Variants in AKAP13 observed in about 807,000 individuals in gnomAD.
The protein encoded by AKAP13 is A-kinase anchor protein 13.
In AKAP13, 80 loss-of-function variants were observed where a neutral mutation model predicts 264.5. The ratio of observed to expected loss-of-function variants is 0.30; its 90% CI spans 0.25 to 0.36. AKAP13 has a LOEUF of 0.36. Among genes scored for constraint, AKAP13 ranks in the 10% least tolerant of loss-of-function variants. The probability of loss-of-function intolerance (pLI) is 1.00; values close to 1 mark genes in which losing one functional copy is unlikely to be tolerated. For synonymous variants in AKAP13, 1,380 were observed against 1,250.2 expected, an observed-to-expected ratio of 1.10 and a Z score of -2.19; for missense variants, 3,712 against 3,435.2, an observed-to-expected ratio of 1.08 and a Z score of -2.01.
At chr15:85,471,962 C>G (rs1004472766) in intron 1 of AKAP13, among the ~76,000 whole-genome samples, 1 of 152,002 alleles carries the variant, frequency 6.6e-6, no homozygotes, top group Non-Finnish European at 1.5e-5. Context: ...TGATATTAAG[C>G]TAATATATTT....
intron 8 of AKAP13, among the ~76,000 whole-genome samples, chr15:85,616,651 C>A (rs962681274): frequency 6.6e-5 from 10 of 152,200 alleles, no homozygotes; most frequent in Admixed American, 2.0e-4. Flanking sequence ...AAACTCAGAA[C>A]CTCCTTTAAA....
chr15:85,740,908 G>A (rs2088926449), intron 34 of AKAP13, 138 bp from the exon 35 acceptor site: 1 of 1,393,078 alleles, frequency 7.2e-7, no homozygotes, highest in Admixed American at 2.9e-5. Context: ...GCATTTTTAT[G>A]AGACGGGCTT....
In AKAP13 at chr15:85,745,147, C is replaced by A; in HGVS notation, c.*470C>A. 6.4e-6 allele frequency: 1 copy of A among 155,186 alleles called. No homozygotes were observed. Among genetic ancestry groups the A allele is most frequent in the Admixed American group, 6.2e-5 (1 of 16,084 alleles). 9.6% of individuals were successfully genotyped at this position (155,186 alleles called of 1,614,324 possible). ...ACACACGGGGAATGCCAGAAGAAGG[C>A]CCAGTCTGCACCAGGCGTCTGGTCA... On this transcript the variant is annotated 3_prime_UTR_variant, in exon 37 of 37. Coordinates refer to ENST00000394518, the MANE Select transcript of AKAP13 (RefSeq NM_007200.5).
chr15:85,521,827 A>G (rs926268235), intron 3 of AKAP13, among the ~76,000 whole-genome samples: 4 of 152,240 alleles, frequency 2.6e-5, no homozygotes, highest in African/African-American at 9.6e-5. Context: ...TAACTTATTT[A>G]AGAACTGGGA....
intron 8 of AKAP13, among the ~76,000 whole-genome samples, chr15:85,617,977 T>C (rs1596739279): frequency 6.6e-6 from 1 of 152,226 alleles, no homozygotes; most frequent in Admixed American, 6.5e-5. Context: ...AACATCTGTT[T>C]CACTGCACAT....
At chr15:85,567,394 C>T (rs527532988) in intron 5 of AKAP13, among the ~76,000 whole-genome samples, 2 of 152,336 alleles carry the variant, frequency 1.3e-5, no homozygotes, top group South Asian at 4.1e-4. Context: ...GCGTGAGCCA[C>T]CACGCCCAGC....
intron 5 of AKAP13, among the ~76,000 whole-genome samples, chr15:85,549,698 T>G (rs192713507): frequency 9.2e-5 from 14 of 152,266 alleles, no homozygotes; most frequent in Admixed American, 9.2e-4. Context: ...CTACAAAAAT[T>G]TGGCAGAGAG....
intron 8 of AKAP13, among the ~76,000 whole-genome samples, chr15:85,610,052 C>T (rs2080533952): frequency 6.6e-6 from 1 of 152,168 alleles, no homozygotes; most frequent in African/African-American, 2.4e-5. Context: ...TAACACCTTA[C>T]AGGGCAACTC....
chr15:85,407,221 G>A (rs2071711292), intron 1 of AKAP13, among the ~76,000 whole-genome samples: 1 of 149,660 alleles, frequency 6.7e-6, no homozygotes, highest in African/African-American at 2.5e-5. Flanking sequence ...TGGGACGGGT[G>A]TGCTGGGTCT....
chr15:85,538,495 T>C (rs1186669099), intron 4 of AKAP13, among the ~76,000 whole-genome samples: 1 of 150,594 alleles, frequency 6.6e-6, no homozygotes, highest in Non-Finnish European at 1.5e-5. Flanking sequence ...TCTTTCTTTT[T>C]TTTTTTTTTT....
At chr15:85,691,009 GTTAT>G (rs1289767640) in intron 16 of AKAP13, among the ~76,000 whole-genome samples, 4 of 152,148 alleles carry the variant, frequency 2.6e-5, no homozygotes, top group Non-Finnish European at 4.4e-5. Context: ...ATTTTTAGCT[GTTAT>G]TTATTATCTT....
intron 17 of AKAP13, among the ~76,000 whole-genome samples, chr15:85,694,505 G>GTT (rs2085463341): frequency 4.6e-5 from 7 of 152,156 alleles, no homozygotes; most frequent in Non-Finnish European, 1.0e-4. Context: ...TAAAATTTTT[G>GTT]TTATGTAATA....
At chr15:85,548,870 G>A (rs575633180) in intron 5 of AKAP13, among the ~76,000 whole-genome samples, 6 of 149,224 alleles carry the variant, frequency 4.0e-5, no homozygotes, top group East Asian at 1.9e-4. Flanking sequence ...TTTATCTTGG[G>A]TGATTCACTT....
chr15:85,482,486 C>T (rs2075381631), intron 1 of AKAP13, among the ~76,000 whole-genome samples: 1 of 152,102 alleles, frequency 6.6e-6, no homozygotes, highest in South Asian at 2.1e-4. Flanking sequence ...TGTAGGTGCA[C>T]AATGACAGCT....
Position 85,580,495 on chromosome 15 carries a change from A to C in AKAP13, c.2427A>C (p.Lys809Asn). Residue 809 changes from lysine to asparagine, a missense_variant, in exon 7 of 37, where the codon AAA becomes AAC. By Grantham distance (94) the Lys-to-Asn change is moderately conservative. Around this residue, in one of 3 missense-constraint regions of AKAP13, gnomAD observed 2,759 missense variants for 2,411.7 expected, o/e 1.14. Coordinates refer to ENST00000394518, the MANE Select transcript of AKAP13 (RefSeq NM_007200.5). The stretch of plus-strand genomic sequence containing the variant: ...CACTTTCTTTTGTCCCCTCCCAGAA[A>C]GAAAAGGGAACAGCAACTCCTGAAC... ...DDALSFVPSQ[K>N]EKGTATPELH... The C allele has an allele frequency of 6.2e-7, 1 of 1,614,236 alleles. No individual in the cohort carries two copies. Among genetic ancestry groups the C allele is most frequent in the South Asian group, 1.1e-5 (1 of 91,082 alleles).
intron 5 of AKAP13, among the ~76,000 whole-genome samples, chr15:85,562,087 G>A (rs2344438): frequency 0.66 from 100,112 of 151,750 alleles, 33,195 homozygotes; most frequent in Middle Eastern, 0.78. Flanking sequence ...GCAAATTACG[G>A]TAATAATATT....
At position 85,581,309 on chromosome 15, in the gene AKAP13, T is replaced by C. The variant is rs764993542; in HGVS notation, c.3241T>C (p.Cys1081Arg). 4 of 1,614,074 alleles carry C rather than the reference T, an allele frequency of 2.5e-6. No individual in the cohort carries two copies. In the African/African-American group the frequency reaches 5.3e-5, roughly 22 times the overall value. The change falls in exon 7 of 37, where the codon TGT (cysteine) becomes CGT (arginine). Residue 1081 changes from cysteine to arginine, a missense_variant. Cys to Arg is a radical substitution (Grantham distance 180). Transcript: ENST00000394518. ...TCAATCCCAGGGAAAAACTAGTGCCTGTGAGGTGAGTGGAGATGTGACGGT... is the reference window on the plus strand; with the variant it reads ...TCAATCCCAGGGAAAAACTAGTGCCCGTGAGGTGAGTGGAGATGTGACGGT... The part of the protein sequence containing the change: ...NTQSQGKTSA[C>R]EVSGDVTVDV...
chr15:85,579,511 A>G lies in AKAP13; in HGVS notation c.1443A>G (p.Glu481=), dbSNP rs369939918. 17 of 1,614,188 alleles carry G rather than the reference A, an allele frequency of 1.1e-5. No homozygotes were observed. The African/African-American group carries it at 1.6e-4, about 15-fold the overall frequency. ...TCAGTACCCCAGACACTGCAGGGGA[A>G]ATGGAACATGGGCTCATGAACCCAG... ...TNVSTPDTAG[E]MEHGLMNPDA... Residue 481 remains glutamate, a synonymous_variant, in exon 7 of 37, where the codon GAA becomes GAG. Coordinates refer to ENST00000394518, the MANE Select transcript of AKAP13 (RefSeq NM_007200.5).
intron 1 of AKAP13, among the ~76,000 whole-genome samples, chr15:85,476,392 G>C (rs534640870): frequency 2.1e-4 from 32 of 152,128 alleles, no homozygotes; most frequent in Non-Finnish European, 3.7e-4. Flanking sequence ...TTTAGAATTA[G>C]GGATCGACAC....
Sources: allele counts gnomAD v4.1 joint callset (sites outside exome capture counted in the v4.1 genomes callset), GRCh38; gene constraint gnomAD v4.1.1; regional missense constraint gnomAD v4.1.1; transcripts MANE v1.5; gene names NCBI Gene and HGNC (gene_info 2026-07-23, HGNC 2026-07-21).